The following GPC5 variants were observed in gnomAD, a reference collection of about 807,000 sequenced individuals.
The protein encoded by GPC5 is glypican 5, also known as glypican-5.
A neutral mutation model predicts 53.9 loss-of-function variants in GPC5; 47 were observed. The observed-to-expected ratio is 0.87, with a 90% CI of 0.69 to 1.11. GPC5 has a LOEUF of 1.11. Ranked by LOEUF, GPC5 falls within the 50% of genes most tolerant of loss-of-function variation. The pLI is 0.00. For missense variants in GPC5, 748 were observed against 713.1 expected (o/e 1.05, Z -0.56); for synonymous variants, 286 against 263.3 (o/e 1.09, Z -0.84).
chr13:92,816,429 G>A (rs1877479083), intron 7 of GPC5, among the ~76,000 whole-genome samples: 1 of 152,000 alleles, frequency 6.6e-6, no homozygotes, highest in South Asian at 2.1e-4. Context: ...AGGAAAACTA[G>A]CACTAAGGGG....
At chr13:91,614,372 G>A (rs2033639454) in intron 2 of GPC5, among the ~76,000 whole-genome samples, 1 of 152,106 alleles carries the variant, frequency 6.6e-6, no homozygotes, top group Non-Finnish European at 1.5e-5. Context: ...CTGTCACCCA[G>A]GCTGGACTGC....
intron 7 of GPC5, among the ~76,000 whole-genome samples, chr13:92,156,254 G>A (rs2041944336): frequency 6.6e-6 from 1 of 151,960 alleles, no homozygotes; most frequent in African/African-American, 2.4e-5. Context: ...ATCCTGAATG[G>A]TAAGAAAACT....
At chr13:91,952,807 G>T (rs1006628839) in intron 6 of GPC5, among the ~76,000 whole-genome samples, 1 of 152,056 alleles carries the variant, frequency 6.6e-6, no homozygotes, top group Non-Finnish European at 1.5e-5. Flanking sequence ...AGAGAGGTTG[G>T]CTAAACTGAA....
chr13:91,778,554 T>C (rs952925281), intron 5 of GPC5, among the ~76,000 whole-genome samples: 1 of 152,132 alleles, frequency 6.6e-6, no homozygotes, highest in African/African-American at 2.4e-5. Flanking sequence ...TGTTCACAAA[T>C]ATCAATACAG....
intron 6 of GPC5, among the ~76,000 whole-genome samples, chr13:92,029,221 C>G (rs2040822720): frequency 6.6e-6 from 1 of 152,078 alleles, no homozygotes; most frequent in South Asian, 2.1e-4. Context: ...GGGAAAATGC[C>G]ATTGCTTGAG....
chr13:91,738,580 T>C (rs2036862979), intron 4 of GPC5, among the ~76,000 whole-genome samples: 1 of 151,378 alleles, frequency 6.6e-6, no homozygotes, highest in Non-Finnish European at 1.5e-5. Flanking sequence ...TTACTGCATG[T>C]CTTTTTTAAA....
At chr13:92,547,996 AT>A (rs35318055) in intron 7 of GPC5, among the ~76,000 whole-genome samples, 44,476 of 136,082 alleles carry the variant, frequency 0.33, 7,390 homozygotes, top group East Asian at 0.64. Context: ...CGCCTGGCTA[AT>A]TTTTTTTTTT....
chr13:91,409,870 C>T (rs894819194), intron 1 of GPC5, among the ~76,000 whole-genome samples: 1 of 152,210 alleles, frequency 6.6e-6, no homozygotes, highest in Non-Finnish European at 1.5e-5. Flanking sequence ...CCTCCCTCCC[C>T]TCTCTAGAAG....
chr13:92,826,007 TGACA>T lies in GPC5; in HGVS notation c.1562-40270_1562-40267del, dbSNP rs959255698. Among the ~76,000 whole-genome samples the T allele has an allele frequency of 3.8e-4, 58 of 152,244 alleles. 1 individual carries two copies. Among genetic ancestry groups the T allele is most frequent in the Admixed American group, 2.6e-3 (39 of 15,268 alleles). On this transcript the variant is annotated intron_variant, in intron 7 of 7. Coordinates refer to ENST00000377067, the MANE Select transcript of GPC5 (RefSeq NM_004466.6). ...TTAGAGTGCTTCCAGCATCTTGCCA[TGACA>T]GACAATGCTCCAGTGAATATTTTCA... is the stretch of plus-strand genomic sequence containing the variant.
At chr13:92,628,264 C>CTGTTTTTTTTT (rs1885114961) in intron 7 of GPC5, among the ~76,000 whole-genome samples, 2 of 45,356 alleles carry the variant, frequency 4.4e-5, no homozygotes, top group Non-Finnish European at 8.7e-5. Context: ...CTTTTTCTTT[C>CTGTTTTTTTTT]TTTTTTTTTT....
intron 7 of GPC5, among the ~76,000 whole-genome samples, chr13:92,761,057 T>A (rs1875152734): frequency 6.6e-6 from 1 of 152,174 alleles, no homozygotes; most frequent in South Asian, 2.1e-4. Flanking sequence ...TAAGGGTTGT[T>A]TTGCGGCCTA....
At chr13:91,648,515 CT>C (rs1459247759) in intron 2 of GPC5, among the ~76,000 whole-genome samples, 3 of 151,876 alleles carry the variant, frequency 2.0e-5, no homozygotes, top group Admixed American at 6.6e-5. Flanking sequence ...TCCATAAGGC[CT>C]TTTAAGTTTC....
intron 7 of GPC5, among the ~76,000 whole-genome samples, chr13:92,176,702 T>G (rs2042111092): frequency 6.6e-6 from 1 of 152,082 alleles, no homozygotes; most frequent in African/African-American, 2.4e-5. Context: ...TGAACCTCCC[T>G]CCAGAGTGCC....
intron 5 of GPC5, among the ~76,000 whole-genome samples, chr13:91,840,758 T>TA (rs1566297299): frequency 1.7e-4 from 26 of 149,540 alleles, no homozygotes; most frequent in African/African-American, 4.2e-4. Flanking sequence ...TTTTTTTTTT[T>TA]TAAAAAACAT....
intron 6 of GPC5, among the ~76,000 whole-genome samples, chr13:92,049,051 A>C (rs1294313640): frequency 6.6e-6 from 1 of 152,126 alleles, no homozygotes; most frequent in Non-Finnish European, 1.5e-5. Context: ...ATTTTAAGTA[A>C]ATTTGGACAG....
At chr13:91,412,444 A>G (rs1877877127) in intron 1 of GPC5, among the ~76,000 whole-genome samples, 1 of 152,268 alleles carries the variant, frequency 6.6e-6, no homozygotes, top group Admixed American at 6.5e-5. Context: ...GAAATACCAC[A>G]GTGAAATGGA....
In GPC5 at chr13:92,144,427, C is replaced by T. The variant is rs143116751; in HGVS notation, c.1402-403C>T. 6.0e-3 allele frequency among the ~76,000 whole-genome samples: 914 copies of T among 152,212 alleles called. 7 individuals carry two copies. The highest frequency in any genetic ancestry group is 0.021 in the African/African-American group (889 of 41,532). On this transcript the variant is annotated intron_variant, in intron 6 of 7. Transcript: ENST00000377067. ...GAAGAGTCGTACTTCTTCAGAAATA[C>T]GGAGTGTGGGTTTACAAAACAGCAC... is the stretch of plus-strand genomic sequence containing the variant.
At position 92,763,142 on chromosome 13, in the gene GPC5, T is replaced by C. The variant is rs553589958; in HGVS notation, c.1562-103140T>C. The stretch of plus-strand genomic sequence containing the variant: ...TTTTGGGTCAATTACTGGAGAATTA[T>C]TTTATTCTTTTGATGATATCATGTT... On this transcript the variant is annotated intron_variant, in intron 7 of 7. Coordinates refer to ENST00000377067, the MANE Select transcript of GPC5 (RefSeq NM_004466.6). Among the ~76,000 whole-genome samples, 491 of 152,326 alleles carry C rather than the reference T, an allele frequency of 3.2e-3. 2 individuals are homozygous for C. Among genetic ancestry groups the C allele is most frequent in the Non-Finnish European group, 5.4e-3 (365 of 68,026 alleles).
intron 7 of GPC5, among the ~76,000 whole-genome samples, chr13:92,624,346 A>C (rs887164145): frequency 1.3e-5 from 2 of 152,196 alleles, no homozygotes; most frequent in Non-Finnish European, 2.9e-5. Flanking sequence ...CTGGTATTAC[A>C]GGCATGAGCC....
Sources: allele counts gnomAD v4.1 joint callset (sites outside exome capture counted in the v4.1 genomes callset), GRCh38; gene constraint gnomAD v4.1.1; transcripts MANE v1.5; gene names NCBI Gene and HGNC (gene_info 2026-07-23, HGNC 2026-07-21).